The following MIGA1 variants were observed in gnomAD, a reference collection of about 807,000 sequenced individuals.
The protein encoded by MIGA1 is family with sequence similarity 73, member A.
MIGA1 carries 58 observed loss-of-function variants against 82.0 expected under a neutral mutation model. That is an observed-to-expected ratio of 0.71 (90% CI 0.57 to 0.88). The LOEUF (loss-of-function observed/expected upper bound fraction) is 0.88, where lower values mean the gene tolerates loss of function less well. MIGA1 is among the 40% of genes least tolerant of loss of function. MIGA1 has a pLI of 0.00. For missense variants in MIGA1, 751 were observed against 749.1 expected (o/e 1.00, Z -0.03); for synonymous variants, 249 against 253.6 (o/e 0.98, Z 0.17).
Position 77,876,649 on chromosome 1 carries a change from T to G in MIGA1, c.*1585T>G, listed in dbSNP as rs1646896022. Reference sequence around the variant, plus strand: ...CAGAAAACTCAGCCCAGTGGGAATTTGTCATATTATGCCCATGTTTTAAAA... The same window carrying G: ...CAGAAAACTCAGCCCAGTGGGAATTGGTCATATTATGCCCATGTTTTAAAA... On this transcript the variant is annotated 3_prime_UTR_variant, in exon 16 of 16. Transcript: ENST00000370791. The G allele has an allele frequency of 1.3e-5, 2 of 152,226 alleles. No homozygotes were observed. Among genetic ancestry groups the G allele is most frequent in the African/African-American group, 4.8e-5 (2 of 41,470 alleles). 9.4% of individuals were successfully genotyped at this position (152,226 alleles called of 1,614,324 possible). A position where few individuals can be genotyped will look rare whatever the true frequency, so the allele number is the denominator to read the frequency against.
At chr1:77,786,791 T>G (rs1392520134) in intron 2 of MIGA1, among the ~76,000 whole-genome samples, 1 of 152,240 alleles carries the variant, frequency 6.6e-6, no homozygotes, top group African/African-American at 2.4e-5. Context: ...TTCCAAACTT[T>G]CCCACATTTT....
intron 2 of MIGA1, among the ~76,000 whole-genome samples, chr1:77,793,032 C>A (rs1437854276): frequency 6.6e-6 from 1 of 152,092 alleles, no homozygotes; most frequent in East Asian, 1.9e-4. Context: ...CTTAGGTGAT[C>A]TGCCCGCCTC....
chr1:77,847,629 G>C (rs1318759622), intron 8 of MIGA1: 1 of 1,552,878 alleles, frequency 6.4e-7, no homozygotes, highest in Non-Finnish European at 8.8e-7. Flanking sequence ...AAAGAGGGCT[G>C]CTGCGCTGGA....
At chr1:77,851,808 G>C (rs1314255374) in intron 8 of MIGA1, among the ~76,000 whole-genome samples, 2 of 151,226 alleles carry the variant, frequency 1.3e-5, no homozygotes, top group African/African-American at 4.9e-5. Context: ...TTGTTGGATT[G>C]TCTTCTTATT....
chr1:77,858,377 G>C (rs779649546), intron 8 of MIGA1, among the ~76,000 whole-genome samples: 13 of 151,812 alleles, frequency 8.6e-5, no homozygotes, highest in Admixed American at 8.5e-4. Context: ...TTGGTTTTCT[G>C]TATGTTCTGT....
chr1:77,847,895 C>G, intron 8 of MIGA1: 1 of 1,525,580 alleles, frequency 6.6e-7, no homozygotes, highest in Non-Finnish European at 9.1e-7. Context: ...ATGCTAAGAG[C>G]AGCAAGGATG....
chr1:77,844,114 ATATATATAT>A (rs1425067436), intron 8 of MIGA1, among the ~76,000 whole-genome samples: 3 of 79,230 alleles, frequency 3.8e-5, no homozygotes, highest in African/African-American at 4.9e-5. Flanking sequence ...AAAAAAAAAA[ATATATATAT>A]ATATATATAT....
At chr1:77,847,021 C>T (rs567785326) in intron 8 of MIGA1, 1 of 661,508 alleles carries the variant, frequency 1.5e-6, no homozygotes, top group South Asian at 1.7e-5. Context: ...TTTGCTATAT[C>T]CACCTCTCTG....
intron 2 of MIGA1, among the ~76,000 whole-genome samples, chr1:77,795,939 ATAT>A (rs1682635719): frequency 6.6e-6 from 1 of 151,698 alleles, no homozygotes; most frequent in Non-Finnish European, 1.5e-5. Context: ...CCAACAACAG[ATAT>A]TTCATTTTAG....
At chr1:77,820,124 T>A (rs1054549911) in intron 7 of MIGA1, among the ~76,000 whole-genome samples, 15 of 115,792 alleles carry the variant, frequency 1.3e-4, no homozygotes, top group African/African-American at 3.4e-4. Flanking sequence ...TTTTTTTTTT[T>A]AATTTTTCTT....
chr1:77,808,143 T>C (rs1051384852), intron 5 of MIGA1, among the ~76,000 whole-genome samples: 1 of 151,600 alleles, frequency 6.6e-6, no homozygotes, highest in African/African-American at 2.4e-5. Context: ...TTTTTTTTTT[T>C]TTTTTATTAT....
chr1:77,793,580 C>T (rs1002272047), intron 2 of MIGA1, among the ~76,000 whole-genome samples: 2 of 151,614 alleles, frequency 1.3e-5, no homozygotes, highest in African/African-American at 4.8e-5. Flanking sequence ...ATGCCTCAGC[C>T]TCCTGAGTAG....
In MIGA1 at chr1:77,874,941, C is replaced by T. The variant is rs375168306; in HGVS notation, c.1776C>T (p.Leu592=). The change falls in exon 16 of 16, where the codon CTC becomes CTT. Residue 592 remains leucine, a synonymous_variant. Coordinates refer to ENST00000370791, the MANE Select transcript of MIGA1 (RefSeq NM_198549.4). The stretch of plus-strand genomic sequence containing the variant: ...TAGCTGAAGACCTCATGCAGTTACT[C>T]ATTCGCCGCACTGAGCTTTTAATGG... 11 of 1,614,020 alleles carry T rather than the reference C, an allele frequency of 6.8e-6. No homozygotes were observed. Among genetic ancestry groups the T allele is most frequent in the Non-Finnish European group, 5.9e-6 (7 of 1,179,994 alleles).
At position 77,852,655 on chromosome 1, in the gene MIGA1, ATC is replaced by A. The variant is rs1338260810; in HGVS notation, c.997-6279_997-6278del. Among the ~76,000 whole-genome samples, 5 of 152,072 alleles carry A rather than the reference ATC, an allele frequency of 3.3e-5. No homozygotes were observed. In the South Asian group the frequency reaches 6.2e-4, roughly 19 times the overall value. ...TTCTGGGTAAGTTCCTGCTAATTTA[ATC>A]TCTGTTTCTTCATCTGTAAAATGTG... is the stretch of plus-strand genomic sequence containing the variant. On this transcript the variant is annotated intron_variant, in intron 8 of 15. Transcript: ENST00000370791.
intron 7 of MIGA1, among the ~76,000 whole-genome samples, chr1:77,840,669 G>A (rs529600773): frequency 5.9e-5 from 9 of 152,084 alleles, no homozygotes; most frequent in Non-Finnish European, 1.0e-4. Context: ...AAAATTAGCC[G>A]GGCGTGGTGG....
In MIGA1 at chr1:77,815,154, A is replaced by T. The variant is rs1438006287; in HGVS notation, c.818A>T (p.Gln273Leu). 1 of 1,606,150 alleles carries T rather than the reference A, an allele frequency of 6.2e-7. No homozygotes were observed. The highest frequency in any genetic ancestry group is 1.1e-5 in the South Asian group (1 of 89,818). ...ATCCATAAACTCGAAGCTCTGCTGCAAAGAGCCTATCGTCTCCAAGAGGAG... is the reference window on the plus strand; with the variant it reads ...ATCCATAAACTCGAAGCTCTGCTGCTAAGAGCCTATCGTCTCCAAGAGGAG... The change falls in exon 7 of 16, where the codon CAA (glutamine) becomes CTA (leucine). Residue 273 changes from glutamine (Q) to leucine (L), a missense_variant. Transcript: ENST00000370791.
intron 8 of MIGA1, chr1:77,847,505 A>G (rs557994012): frequency 1.6e-5 from 23 of 1,438,876 alleles, no homozygotes; most frequent in Non-Finnish European, 2.2e-5. Flanking sequence ...GAGAAATGGA[A>G]AAGGAAATAC....
intron 5 of MIGA1, chr1:77,811,827 C>T (rs1196172732): frequency 1.9e-5 from 29 of 1,505,678 alleles, no homozygotes; most frequent in South Asian, 9.2e-5. Flanking sequence ...CCAGCAAGGC[C>T]GGGTTCTAGG....
intron 7 of MIGA1, among the ~76,000 whole-genome samples, chr1:77,821,613 T>A (rs911368029): frequency 1.3e-5 from 2 of 152,142 alleles, no homozygotes; most frequent in East Asian, 3.9e-4. Flanking sequence ...CAGGTTGCTC[T>A]TGAGCTCCCA....
Sources: allele counts gnomAD v4.1 joint callset (sites outside exome capture counted in the v4.1 genomes callset), GRCh38; gene constraint gnomAD v4.1.1; transcripts MANE v1.5; gene names NCBI Gene and HGNC (gene_info 2026-07-23, HGNC 2026-07-21).